B9D2: variants seen among roughly 807,000 people sequenced by gnomAD.
The protein encoded by B9D2 is B9 domain containing 2, also known as B9 domain-containing protein 2.
Under a neutral mutation model 19.2 loss-of-function variants are expected in B9D2, and 21 were observed. The observed-to-expected ratio is 1.09, with a 90% CI of 0.78 to 1.58. The LOEUF (loss-of-function observed/expected upper bound fraction) is 1.58. B9D2 is among the 40% of genes most tolerant of loss of function. The probability of loss-of-function intolerance (pLI) is 0.00; values close to 1 mark genes in which losing one functional copy is unlikely to be tolerated. For missense variants in B9D2, 221 were observed against 244.3 expected (o/e 0.90, Z 0.64); for synonymous variants, 91 against 100.6 (o/e 0.90, Z 0.57).
chr19:41,363,569 T>TATCTCC, intron 1 of B9D2, 46 bp from the exon 2 acceptor site: 3 of 1,505,028 alleles, frequency 2.0e-6, no homozygotes, highest in Non-Finnish European at 2.7e-6. Context: ...GTAAGTGTAT[T>TATCTCC]ATCTCCATTT....
In B9D2 at chr19:41,357,978, G is replaced by C. The variant is rs2038342977; in HGVS notation, c.133C>G (p.Gln45Glu). 2 of 1,614,132 alleles carry C rather than the reference G, an allele frequency of 1.2e-6. No individual in the cohort carries two copies. Among genetic ancestry groups the C allele is most frequent in the Non-Finnish European group, 1.7e-6 (2 of 1,179,996 alleles). Residue 45 changes from glutamine to glutamate, a missense_variant, in exon 3 of 4, where the codon CAA (glutamine) becomes GAA (glutamate). Physicochemically the swap from Gln to Glu is conservative, Grantham distance 29 (BLOSUM62 2). Coordinates refer to ENST00000243578, the MANE Select transcript of B9D2 (RefSeq NM_030578.4). ...LLSGVREGQTQVDTPQIGDMA... is the reference protein window; with the variant it reads ...LLSGVREGQTEVDTPQIGDMA... ...TCCCCTATCTGCGGGGTGTCCACTT[G>C]CGTTTGGCCCTCCCGCACGCCTGAC...
intron 2 of B9D2, among the ~76,000 whole-genome samples, chr19:41,358,385 T>A (rs1176784575): frequency 2.0e-5 from 3 of 151,976 alleles, no homozygotes; most frequent in African/African-American, 7.3e-5. Context: ...AGGAGCCCCA[T>A]CTAGTAAGAG....
intron 3 of B9D2, among the ~76,000 whole-genome samples, chr19:41,357,374 A>T (rs1309840360): frequency 6.6e-6 from 1 of 152,184 alleles, no homozygotes; most frequent in Non-Finnish European, 1.5e-5. Context: ...TACCAGGTAG[A>T]CGTTCTTTAT....
In B9D2 at chr19:41,355,162, C is replaced by A. The variant is rs567839829; in HGVS notation, c.215-149G>T. ...CAGAGTTTCCAACCCAGCCTCCTTT[C>A]TAGGCTCCCACCGTCTTATCTATCC... On this transcript the variant is annotated intron_variant, in intron 3 of 3. Transcript: ENST00000243578. 3.1e-4 allele frequency: 249 copies of A among 801,020 alleles called. 1 individual carries two copies. The South Asian group carries it at 4.4e-3, about 14-fold the overall frequency. 49.6% of individuals were successfully genotyped at this position (801,020 alleles called of 1,614,324 possible). A position where few individuals can be genotyped will look rare whatever the true frequency, so the allele number is the denominator to read the frequency against.
At chr19:41,362,345 T>G (rs1466119579) in intron 2 of B9D2, among the ~76,000 whole-genome samples, 1 of 113,370 alleles carries the variant, frequency 8.8e-6, no homozygotes, top group Admixed American at 1.3e-4. Flanking sequence ...ACCACTGCAC[T>G]ACAGCCTGGG....
chr19:41,354,713 C>G lies in B9D2; in HGVS notation c.515G>C (p.Gly172Ala). ...GLLLRNFDRY[G>A]VEC is the part of the protein sequence containing the mutation. The stretch of plus-strand genomic sequence containing the variant: ...AGGCAGAGTCCCTCAGCACTCCACG[C>G]CGTAGCGGTCGAAGTTGCGGAGCAG... Residue 172 changes from glycine (G) to alanine (A), a missense_variant, in exon 4 of 4, where the codon GGC (glycine) becomes GCC (alanine). By Grantham distance (60) the Gly-to-Ala change is moderately conservative. Transcript: ENST00000243578. 1 of 1,614,034 alleles carries G rather than the reference C, an allele frequency of 6.2e-7. No homozygotes were observed. Among genetic ancestry groups the G allele is most frequent in the South Asian group, 1.1e-5 (1 of 91,086 alleles).
rs994687389 is a variant in B9D2, at chr19:41,354,636, G to A, written c.*64C>T. ...TAGAGTCTGTGCTCTTGACCACTGT[G>A]CCATCCTCCCCCATCACTGGGTGTC... On this transcript the variant is annotated 3_prime_UTR_variant, in exon 4 of 4. Coordinates refer to ENST00000243578, the MANE Select transcript of B9D2 (RefSeq NM_030578.4). The A allele has an allele frequency of 4.4e-6, 7 of 1,590,844 alleles. No homozygotes were observed. In the African/African-American group the frequency reaches 5.4e-5, roughly 12 times the overall value.
chr19:41,355,150 C>T (rs2038292599), intron 3 of B9D2, 137 bp from the exon 4 acceptor site: 3 of 913,172 alleles, frequency 3.3e-6, no homozygotes, highest in Non-Finnish European at 4.8e-6. Flanking sequence ...AGTTTCCAAC[C>T]CAGCCTCCTT....
chr19:41,359,160 G>A (rs1273382753), intron 2 of B9D2, among the ~76,000 whole-genome samples: 4 of 152,074 alleles, frequency 2.6e-5, no homozygotes, highest in Admixed American at 6.6e-5. Flanking sequence ...GCCAGGCGCA[G>A]TGACTCACGC....
At chr19:41,363,167 G>A in intron 2 of B9D2, 1 of 495,842 alleles carries the variant, frequency 2.0e-6, no homozygotes, top group Non-Finnish European at 3.7e-6. Context: ...GATCACTAGA[G>A]CCCGAGAGTT....
intron 2 of B9D2, 79 bp from the exon 3 acceptor site, chr19:41,358,101 C>T (rs2038346285): frequency 6.3e-7 from 1 of 1,584,912 alleles, no homozygotes; most frequent in Admixed American, 1.7e-5. Flanking sequence ...AGGACTGTTT[C>T]TCTGTGGCAT....
At chr19:41,363,004 A>T (rs1454820059) in intron 2 of B9D2, 1 of 233,128 alleles carries the variant, frequency 4.3e-6, no homozygotes, top group Non-Finnish European at 8.8e-6. Context: ...TAGCACTTTG[A>T]GAGGCTGAAG....
At chr19:41,358,072 G>C (rs1379241864) in intron 2 of B9D2, 50 bp from the exon 3 acceptor site, 10 of 1,612,076 alleles carry the variant, frequency 6.2e-6, no homozygotes, top group Non-Finnish European at 8.5e-6. Context: ...CATCGGGAAG[G>C]GGATGCCGCT....
chr19:41,358,917 G>T (rs930151768), intron 2 of B9D2, among the ~76,000 whole-genome samples: 1 of 151,990 alleles, frequency 6.6e-6, no homozygotes, highest in Admixed American at 6.6e-5. Flanking sequence ...CTTAGGGGGG[G>T]GTGGATCATC....
chr19:41,356,835 A>G (rs2038321336), intron 3 of B9D2, among the ~76,000 whole-genome samples: 1 of 143,054 alleles, frequency 7.0e-6, no homozygotes, highest in Non-Finnish European at 1.5e-5. Flanking sequence ...TGGGCAACAG[A>G]GTGAAACTCT....
intron 2 of B9D2, among the ~76,000 whole-genome samples, chr19:41,360,240 A>G (rs551688116): frequency 6.6e-6 from 1 of 152,274 alleles, no homozygotes; most frequent in East Asian, 1.9e-4. Flanking sequence ...CAGTGGCACA[A>G]TCACAGCTCA....
Position 41,354,600 on chromosome 19 carries a change from C to T in B9D2, c.*100G>A, listed in dbSNP as rs2038274205. The T allele has an allele frequency of 1.3e-6, 2 of 1,486,322 alleles. No homozygotes were observed. Among genetic ancestry groups the T allele is most frequent in the Non-Finnish European group, 1.9e-6 (2 of 1,076,688 alleles). The allele number at this position is 1,486,322 out of a possible 1,614,324, so 92.1% of individuals were successfully genotyped here. On this transcript the variant is annotated 3_prime_UTR_variant, in exon 4 of 4. Coordinates refer to ENST00000243578, the MANE Select transcript of B9D2 (RefSeq NM_030578.4). The stretch of plus-strand genomic sequence containing the variant: ...TGCCATGCCTTAGCTGGGGTCAGCT[C>T]TGACAGTCTCTAGAGTCTGTGCTCT...
intron 2 of B9D2, among the ~76,000 whole-genome samples, chr19:41,358,454 GTC>G (rs1240859024): frequency 2.0e-5 from 3 of 151,744 alleles, no homozygotes; most frequent in Non-Finnish European, 4.4e-5. Context: ...TGCCACTCAC[GTC>G]TCTCTCTCTC....
Position 41,355,006 on chromosome 19 carries a change from G to C in B9D2, c.222C>G (p.Pro74=). ...GGGACCACACCTGGAAATGGAGCCG[G>C]GGCCAGCCTGCAGGAAAGGAGAGAG... ...HFATKGLQGW[P]RLHFQVWSQD... The change falls in exon 4 of 4, where the codon CCC becomes CCG. Residue 74 remains proline, a synonymous_variant. Transcript: ENST00000243578. 1 of 1,593,898 alleles carries C rather than the reference G, an allele frequency of 6.3e-7. No individual in the cohort carries two copies. Among genetic ancestry groups the C allele is most frequent in the Non-Finnish European group, 8.6e-7 (1 of 1,168,222 alleles).
Sources: allele counts gnomAD v4.1 joint callset (sites outside exome capture counted in the v4.1 genomes callset), GRCh38; gene constraint gnomAD v4.1.1; transcripts MANE v1.5; gene names NCBI Gene and HGNC (gene_info 2026-07-23, HGNC 2026-07-21).